Variants in GARNL3 observed in about 807,000 individuals in gnomAD.
The protein encoded by GARNL3 is GTPase activating Rap/RanGAP domain like 3.
Under a neutral mutation model 125.0 loss-of-function variants are expected in GARNL3, and 63 were observed. That is an observed-to-expected ratio of 0.50 (90% confidence interval 0.41 to 0.62). The LOEUF is 0.62. Ranked by LOEUF, GARNL3 falls within the 20% of genes least tolerant of loss-of-function variation. The probability of loss-of-function intolerance (pLI) is 0.00; values close to 1 mark genes in which losing one functional copy is unlikely to be tolerated. For missense variants in GARNL3, 994 were observed against 1,244.0 expected (o/e 0.80, Z 3.02); for synonymous variants, 439 against 457.5 (o/e 0.96, Z 0.52).
At chr9:127,389,636 TA>T (rs1832723697) in intron 26 of GARNL3, among the ~76,000 whole-genome samples, 1 of 152,070 alleles carries the variant, frequency 6.6e-6, no homozygotes, top group Admixed American at 6.5e-5. Context: ...TCTCTCAGTA[TA>T]ACTATGGGAC....
intron 21 of GARNL3, 143 bp from the exon 22 acceptor site, chr9:127,365,157 G>T: frequency 1.5e-6 from 1 of 670,508 alleles, no homozygotes; most frequent in South Asian, 1.8e-5. Context: ...AATGTGCATT[G>T]TGGGTGCTGG....
chr9:127,246,431 A>G (rs2063305099), intron 2 of GARNL3, among the ~76,000 whole-genome samples: 4 of 152,186 alleles, frequency 2.6e-5, no homozygotes, highest in Non-Finnish European at 5.9e-5. Flanking sequence ...GGAGCTGAGT[A>G]GTTGGTGTTG....
chr9:127,268,303 T>G (rs2063745917), intron 1 of GARNL3, among the ~76,000 whole-genome samples: 1 of 152,194 alleles, frequency 6.6e-6, no homozygotes, highest in Non-Finnish European at 1.5e-5. Flanking sequence ...AGGTCAAGTA[T>G]AAAGCAATTC....
At chr9:127,380,008 C>T (rs1044235189) in intron 22 of GARNL3, among the ~76,000 whole-genome samples, 1 of 152,084 alleles carries the variant, frequency 6.6e-6, no homozygotes, top group Non-Finnish European at 1.5e-5. Context: ...GGTGAAACCC[C>T]ATCTCTACCA....
At chr9:127,357,960 C>T (rs1013502686) in intron 21 of GARNL3, among the ~76,000 whole-genome samples, 2 of 152,092 alleles carry the variant, frequency 1.3e-5, no homozygotes, top group African/African-American at 2.4e-5. Context: ...CCCTCCCTAC[C>T]CCCTTAAAAA....
intron 21 of GARNL3, chr9:127,362,229 C>T (rs1336599811): frequency 1.3e-5 from 2 of 151,308 alleles, no homozygotes; most frequent in Admixed American, 6.6e-5. Context: ...CCACCACACC[C>T]GACTAATTTT....
chr9:127,326,252 C>T (rs1316831325), intron 7 of GARNL3, among the ~76,000 whole-genome samples: 1 of 152,074 alleles, frequency 6.6e-6, no homozygotes, highest in Non-Finnish European at 1.5e-5. Context: ...TCTGTCTCCC[C>T]CATGAGAATA....
intron 5 of GARNL3, among the ~76,000 whole-genome samples, chr9:127,320,288 C>A (rs1037618112): frequency 2.6e-5 from 4 of 152,208 alleles, no homozygotes; most frequent in Admixed American, 2.0e-4. Flanking sequence ...CTATTTCAAT[C>A]TCCTTGTTTT....
At chr9:127,305,560 AT>A (rs1000787954) in intron 2 of GARNL3, among the ~76,000 whole-genome samples, 4 of 151,504 alleles carry the variant, frequency 2.6e-5, no homozygotes, top group South Asian at 2.1e-4. Flanking sequence ...TTTTATTTTA[AT>A]TTTTTTTAAT....
chr9:127,321,024 G>C (rs141801282), intron 6 of GARNL3, among the ~76,000 whole-genome samples: 1 of 152,164 alleles, frequency 6.6e-6, no homozygotes, highest in Non-Finnish European at 1.5e-5. Context: ...CCTGAGAACC[G>C]CAGAACTGTC....
At chr9:127,338,707 A>T (rs1227705500) in intron 12 of GARNL3, among the ~76,000 whole-genome samples, 1 of 152,192 alleles carries the variant, frequency 6.6e-6, no homozygotes, top group African/African-American at 2.4e-5. Context: ...GCTGCCTGGT[A>T]TGCAGCAGGT....
intron 22 of GARNL3, among the ~76,000 whole-genome samples, chr9:127,374,139 TA>T (rs909264179): frequency 9.9e-5 from 15 of 152,032 alleles, no homozygotes; most frequent in African/African-American, 3.6e-4. Flanking sequence ...TCGCCTCTAC[TA>T]AATACAAAAA....
Position 127,393,340 on chromosome 9 carries a change from T to G in GARNL3, c.*86T>G, listed in dbSNP as rs1160836564. 13 of 1,344,916 alleles carry G rather than the reference T, an allele frequency of 9.7e-6. No individual in the cohort carries two copies. Among genetic ancestry groups the G allele is most frequent in the Non-Finnish European group, 1.3e-5 (13 of 972,824 alleles). 83.3% of individuals were successfully genotyped at this position (1,344,916 alleles called of 1,614,324 possible). A position where few individuals can be genotyped will look rare whatever the true frequency, so the allele number is the denominator to read the frequency against. ...GTTCTGATGTAATTTCTCAACAAAATGTGGCTTTTAGCCTGTCAGTGATCT... is the reference window on the plus strand; with the variant it reads ...GTTCTGATGTAATTTCTCAACAAAAGGTGGCTTTTAGCCTGTCAGTGATCT... On this transcript the variant is annotated 3_prime_UTR_variant, in exon 28 of 28. Coordinates refer to ENST00000373387, the MANE Select transcript of GARNL3 (RefSeq NM_032293.5).
chr9:127,286,089 A>G (rs1428835882), intron 1 of GARNL3, among the ~76,000 whole-genome samples: 1 of 152,202 alleles, frequency 6.6e-6, no homozygotes, highest in African/African-American at 2.4e-5. Context: ...ATTAGATAAC[A>G]TCTTACTAAG....
intron 14 of GARNL3, among the ~76,000 whole-genome samples, chr9:127,342,763 C>G (rs1021417452): frequency 1.3e-5 from 2 of 152,028 alleles, no homozygotes; most frequent in African/African-American, 4.8e-5. Context: ...TATTGGCCAG[C>G]CCCATATTCA....
At chr9:127,334,813 G>A (rs1025893106) in intron 9 of GARNL3, among the ~76,000 whole-genome samples, 6 of 152,146 alleles carry the variant, frequency 3.9e-5, no homozygotes, top group African/African-American at 7.2e-5. Flanking sequence ...AATCCAAGTC[G>A]GCCTCATTGT....
chr9:127,333,604 T>A (rs1289868823), intron 9 of GARNL3, among the ~76,000 whole-genome samples: 1 of 152,032 alleles, frequency 6.6e-6, no homozygotes, highest in Non-Finnish European at 1.5e-5. Context: ...TGAGCTTTTT[T>A]GAGGCCAGAG....
In GARNL3 at chr9:127,389,016, T is replaced by C. The variant is rs748197921; in HGVS notation, c.2640T>C (p.Thr880=). Residue 880 remains threonine (T), a synonymous_variant, in exon 26 of 28, where the codon ACT becomes ACC. Transcript: ENST00000373387. ...TCTCCAAGGTCATCACCCCACCCACTCCCATCAGTGTGGGCCTTGCTGCCA... is the reference window on the plus strand; with the variant it reads ...TCTCCAAGGTCATCACCCCACCCACCCCCATCAGTGTGGGCCTTGCTGCCA... The part of the protein sequence containing the change: ...PLVSKVITPP[T]PISVGLAAIP... 4 of 1,612,768 alleles carry C rather than the reference T, an allele frequency of 2.5e-6. No homozygotes were observed. In the South Asian group the frequency reaches 4.4e-5, roughly 18 times the overall value.
At chr9:127,335,469 G>C (rs1564151862) in intron 10 of GARNL3, 136 bp downstream of exon 10, 5 of 692,008 alleles carry the variant, frequency 7.2e-6, no homozygotes, top group Non-Finnish European at 1.0e-5. Context: ...TGCTTTTGGC[G>C]GTCTGTATTG....
Sources: gnomAD v4.1 joint callset for allele counts (sites outside exome capture counted in the v4.1 genomes callset) on GRCh38, gnomAD v4.1.1 for gene constraint, MANE v1.5 for transcripts, NCBI Gene and HGNC (gene_info 2026-07-23, HGNC 2026-07-21) for gene names.